Variants in CLASP2 observed in about 807,000 individuals in gnomAD.
CLASP2 encodes the protein CLIP-associating protein 2.
CLASP2 carries 47 observed loss-of-function variants against 194.4 expected under a neutral mutation model. The ratio of observed to expected loss-of-function variants is 0.24; its 90% CI spans 0.19 to 0.31. The LOEUF (loss-of-function observed/expected upper bound fraction) is 0.31, where lower values mean the gene tolerates loss of function less well. Ranked by LOEUF, CLASP2 falls within the 10% of genes least tolerant of loss-of-function variation. The pLI, the probability that CLASP2 is intolerant of heterozygous loss-of-function variation, is 1.00. For missense variants in CLASP2, 1,445 were observed against 1,823.6 expected (o/e 0.79, Z 3.78); for synonymous variants, 619 against 633.5 (o/e 0.98, Z 0.34).
At chr3:33,583,362 G>A (rs1232076406) in intron 22 of CLASP2, among the ~76,000 whole-genome samples, 1 of 152,170 alleles carries the variant, frequency 6.6e-6, no homozygotes, top group East Asian at 1.9e-4. Context: ...TAAATAACTG[G>A]TAGGAATGTA....
chr3:33,552,335 TCTCGAACTCC>T (rs1321261264), intron 29 of CLASP2, among the ~76,000 whole-genome samples: 2 of 152,090 alleles, frequency 1.3e-5, no homozygotes, highest in Non-Finnish European at 2.9e-5. Context: ...GCCATGCTGG[TCTCGAACTCC>T]TGACCTCATG....
At chr3:33,532,970 G>C (rs550547438) in intron 34 of CLASP2, among the ~76,000 whole-genome samples, 1 of 152,234 alleles carries the variant, frequency 6.6e-6, no homozygotes, top group South Asian at 2.1e-4. Flanking sequence ...ACTTTCAAAT[G>C]TTTCATGAAG....
intron 30 of CLASP2, 161 bp from the exon 31 acceptor site, chr3:33,545,002 A>T (rs764331063): frequency 6.4e-6 from 2 of 310,160 alleles, no homozygotes; most frequent in Non-Finnish European, 1.1e-5. Context: ...CTGGAAGGAT[A>T]AAAAAAAAAT....
chr3:33,548,343 G>A (rs147700082), intron 30 of CLASP2, among the ~76,000 whole-genome samples: 1,872 of 151,790 alleles, frequency 0.012, 14 homozygotes, highest in Middle Eastern at 0.044. Flanking sequence ...TGTTGCCCGG[G>A]CTGGAGTGCA....
chr3:33,665,941 G>C (rs1403547105), intron 6 of CLASP2, among the ~76,000 whole-genome samples: 1 of 152,236 alleles, frequency 6.6e-6, no homozygotes, highest in African/African-American at 2.4e-5. Flanking sequence ...ATACAACAGA[G>C]ACTGGATTGT....
chr3:33,576,384 C>A, intron 23 of CLASP2, 109 bp from the exon 24 acceptor site: 2 of 702,268 alleles, frequency 2.8e-6, no homozygotes, highest in Admixed American at 3.0e-5. Flanking sequence ...ACCAATGGGG[C>A]AAAGCATTTT....
chr3:33,520,229 C>T (rs1167064724), intron 34 of CLASP2, among the ~76,000 whole-genome samples: 2 of 152,222 alleles, frequency 1.3e-5, no homozygotes, highest in Non-Finnish European at 2.9e-5. Flanking sequence ...TAGTCTCGAA[C>T]TCCTGACCTC....
chr3:33,618,960 A>G (rs1208106927), intron 12 of CLASP2, among the ~76,000 whole-genome samples: 1 of 152,200 alleles, frequency 6.6e-6, no homozygotes, highest in South Asian at 2.1e-4. Context: ...AACATCATAG[A>G]GTGTACTTGC....
chr3:33,717,416 C>T lies in CLASP2; in HGVS notation c.195+392G>A, dbSNP rs1190863255. On this transcript the variant is annotated intron_variant, in intron 1 of 38. Transcript: ENST00000682230. ...GGGGACGCGGGACCCCCCTGTTTCC[C>T]CTATTTTTATTTATTTTTTACTTTT... Among the ~76,000 whole-genome samples, 4 of 151,896 alleles carry T rather than the reference C, an allele frequency of 2.6e-5. No individual in the cohort carries two copies. The East Asian group carries it at 7.7e-4, about 29-fold the overall frequency.
At chr3:33,619,423 T>C (rs924171176) in intron 12 of CLASP2, among the ~76,000 whole-genome samples, 180 bp downstream of exon 12, 1 of 152,072 alleles carries the variant, frequency 6.6e-6, no homozygotes, top group African/African-American at 2.4e-5. Flanking sequence ...AATGACCATC[T>C]GTGGCTTTCA....
At chr3:33,595,112 G>C (rs763345155) in intron 19 of CLASP2, 144 bp from the exon 20 acceptor site, 1 of 422,740 alleles carries the variant, frequency 2.4e-6, no homozygotes, top group Non-Finnish European at 4.2e-6. Flanking sequence ...AATTAACTGC[G>C]GGAAGGTTCA....
intron 12 of CLASP2, among the ~76,000 whole-genome samples, chr3:33,612,495 C>T (rs1408305526): frequency 6.6e-6 from 1 of 152,124 alleles, no homozygotes; most frequent in African/African-American, 2.4e-5. Context: ...TGGGAATGCA[C>T]TTTGAAATGG....
chr3:33,601,444 A>G (rs1292161849), intron 18 of CLASP2, among the ~76,000 whole-genome samples: 2 of 152,214 alleles, frequency 1.3e-5, no homozygotes, highest in African/African-American at 4.8e-5. Context: ...CTATAAAAAT[A>G]AGCTCATCTG....
chr3:33,640,555 T>C (rs1424195072), intron 8 of CLASP2, among the ~76,000 whole-genome samples: 1 of 151,862 alleles, frequency 6.6e-6, no homozygotes, highest in Non-Finnish European at 1.5e-5. Context: ...AGTGAGTGAG[T>C]GAGTAAAAGA....
At chr3:33,714,207 G>A (rs889224174) in intron 1 of CLASP2, among the ~76,000 whole-genome samples, 1 of 152,174 alleles carries the variant, frequency 6.6e-6, no homozygotes, top group Non-Finnish European at 1.5e-5. Context: ...TGTATTTTAT[G>A]AGGCAAATTT....
In CLASP2 at chr3:33,532,680, G is replaced by T. The variant is rs752208852; in HGVS notation, c.3787+2553C>A. On this transcript the variant is annotated intron_variant, in intron 34 of 38. Coordinates refer to ENST00000682230, the MANE Select transcript of CLASP2 (RefSeq NM_001365631.1). ...ATTCTGTGGTTTAGGGGGAAGAAAA[G>T]AAATTTTATTTTTTGTAATTATTAG... Among the ~76,000 whole-genome samples, 49 of 152,082 alleles carry T rather than the reference G, an allele frequency of 3.2e-4. 1 individual carries two copies. Among genetic ancestry groups the T allele is most frequent in the Middle Eastern group, 6.3e-3 (2 of 316 alleles).
At chr3:33,528,969 G>T (rs1401641716) in intron 34 of CLASP2, among the ~76,000 whole-genome samples, 1 of 152,126 alleles carries the variant, frequency 6.6e-6, no homozygotes, top group African/African-American at 2.4e-5. Context: ...AACAACTTCA[G>T]CTAAGTTTCA....
At chr3:33,515,306 G>T (rs1357845968) in intron 36 of CLASP2, among the ~76,000 whole-genome samples, 1 of 152,134 alleles carries the variant, frequency 6.6e-6, no homozygotes, top group Non-Finnish European at 1.5e-5. Context: ...TGGTGAAGAA[G>T]GGGAGAGAGA....
intron 22 of CLASP2, 44 bp downstream of exon 22, chr3:33,584,706 A>G (rs1256144404): frequency 2.0e-6 from 3 of 1,477,988 alleles, no homozygotes; most frequent in Non-Finnish European, 2.7e-6. Flanking sequence ...AAAAAAAAAA[A>G]AAAGGGTTAC....
Sources: gnomAD v4.1 joint callset for allele counts (sites outside exome capture counted in the v4.1 genomes callset) on GRCh38, gnomAD v4.1.1 for gene constraint, MANE v1.5 for transcripts, NCBI Gene and HGNC (gene_info 2026-07-23, HGNC 2026-07-21) for gene names.